SLC7A8: variants seen among roughly 807,000 people sequenced by gnomAD.
SLC7A8 encodes the protein solute carrier family 7 member 8.
A neutral mutation model predicts 51.2 loss-of-function variants in SLC7A8; 30 were observed. That is an observed-to-expected ratio of 0.59 (90% CI 0.44 to 0.80). The LOEUF (loss-of-function observed/expected upper bound fraction) is 0.80. SLC7A8 is among the 30% of genes least tolerant of loss of function. SLC7A8 has a pLI of 0.00. For synonymous variants in SLC7A8, 257 were observed against 275.8 expected, an observed-to-expected ratio of 0.93 and a Z score of 0.67; for missense variants, 612 against 674.4, an observed-to-expected ratio of 0.91 and a Z score of 1.03.
chr14:23,155,334 T>A, intron 3 of SLC7A8: 1 of 1,535,290 alleles, frequency 6.5e-7, no homozygotes, highest in Non-Finnish European at 8.7e-7. Flanking sequence ...CACTTCCAGC[T>A]AAGCTCCTGC....
Position 23,127,104 on chromosome 14 carries a change from T to C in SLC7A8, c.*73A>G, listed in dbSNP as rs775614060. 436 of 1,568,250 alleles carry C rather than the reference T, an allele frequency of 2.8e-4. 1 individual carries two copies. Among genetic ancestry groups the C allele is most frequent in the Non-Finnish European group, 3.7e-4 (421 of 1,144,162 alleles). On this transcript the variant is annotated 3_prime_UTR_variant, in exon 11 of 11. Coordinates refer to ENST00000316902, the MANE Select transcript of SLC7A8 (RefSeq NM_012244.4). The stretch of plus-strand genomic sequence containing the variant: ...AGAGGGGTGTGTGTGTACTCGCATG[T>C]GTTGGCAGGACCAAGGCAGGGAGGT...
chr14:23,128,117 A>G lies in SLC7A8; in HGVS notation c.1343T>C (p.Val448Ala), dbSNP rs777299944. The G allele has an allele frequency of 2.5e-6, 4 of 1,614,064 alleles. No homozygotes were observed. The South Asian group carries it at 4.4e-5, about 18-fold the overall frequency. Residue 448 changes from valine to alanine, a missense_variant, in exon 10 of 11, where the codon GTG becomes GCG. By Grantham distance (64) the Val-to-Ala change is moderately conservative (BLOSUM62 0). Coordinates refer to ENST00000316902, the MANE Select transcript of SLC7A8 (RefSeq NM_012244.4). This position sits in a 1 kb window ranked among gnomAD's most constrained non-coding sequence, Gnocchi z 4.3. ...LVFSLWSEPV[V>A]CGIGLAIMLT... ...CATGATGGCCAGGCCAATGCCACAC[A>G]CCACCGGCTCTGACCACAGGCTGAA... is the stretch of plus-strand genomic sequence containing the variant.
At chr14:23,144,971 C>T (rs1398680091) in intron 3 of SLC7A8, among the ~76,000 whole-genome samples, 3 of 146,758 alleles carry the variant, frequency 2.0e-5, no homozygotes, top group South Asian at 2.2e-4. Flanking sequence ...CTCACTCTGT[C>T]GCTCAGGCTG....
chr14:23,182,409 T>C (rs1334781261), intron 1 of SLC7A8, among the ~76,000 whole-genome samples: 3 of 152,216 alleles, frequency 2.0e-5, no homozygotes, highest in Admixed American at 6.5e-5. Context: ...TACAAACTTG[T>C]TCAGGTCCCT....
chr14:23,142,768 C>T (rs1381180249), intron 4 of SLC7A8, among the ~76,000 whole-genome samples: 3 of 152,122 alleles, frequency 2.0e-5, no homozygotes, highest in African/African-American at 7.2e-5. Context: ...TTCCTAAGTG[C>T]TGGGATTACA....
Position 23,183,382 on chromosome 14 carries a change from CA to C in SLC7A8, c.-469del, listed in dbSNP as rs1304897007. ...TTAGTTTTTTCTTTTATGATGAAGA[CA>C]AAAGTAGTTTTCATTAACGGTAGGA... is the stretch of plus-strand genomic sequence containing the variant. On this transcript the variant is annotated 5_prime_UTR_variant, in exon 1 of 11. The change creates a premature stop within an existing upstream ORF in the 5' untranslated region. Coordinates refer to ENST00000316902, the MANE Select transcript of SLC7A8 (RefSeq NM_012244.4). 1.3e-5 allele frequency: 2 copies of C among 153,084 alleles called. No individual in the cohort carries two copies. Among genetic ancestry groups the C allele is most frequent in the African/African-American group, 4.8e-5 (2 of 41,448 alleles). 9.5% of individuals were successfully genotyped at this position (153,084 alleles called of 1,614,324 possible).
At chr14:23,152,210 A>G (rs922810383) in intron 3 of SLC7A8, among the ~76,000 whole-genome samples, 1 of 151,656 alleles carries the variant, frequency 6.6e-6, no homozygotes, top group African/African-American at 2.4e-5. Flanking sequence ...GCAAACTACA[A>G]TCTCTGCCTC....
rs141169165 is a variant in SLC7A8, at chr14:23,129,788, G to A, written c.1125C>T (p.Thr375=). 217 of 1,614,098 alleles carry A rather than the reference G, an allele frequency of 1.3e-4. 2 individuals carry two copies. The African/African-American group carries it at 2.5e-3, about 18-fold the overall frequency. The change falls in exon 9 of 11, where the codon ACC becomes ACT. Residue 375 remains threonine, a synonymous_variant. Coordinates refer to ENST00000316902, the MANE Select transcript of SLC7A8 (RefSeq NM_012244.4). ...IPALLFTCIS[T]LLMLVTSDMY... ...TGTCGCTGGTGACCAGCATCAGCAG[G>A]GTGGAGATGCACTGGGAAAGTGGGA...
At chr14:23,159,899 T>C (rs757049345) in intron 3 of SLC7A8, among the ~76,000 whole-genome samples, 2 of 152,238 alleles carry the variant, frequency 1.3e-5, no homozygotes, top group Admixed American at 6.5e-5. Flanking sequence ...AGAAGCATTT[T>C]TTCCTTGAGA....
chr14:23,147,228 T>A (rs2048804804), intron 3 of SLC7A8, among the ~76,000 whole-genome samples: 1 of 152,014 alleles, frequency 6.6e-6, no homozygotes, highest in Admixed American at 6.6e-5. Context: ...TATCCATCCA[T>A]CCATCTGTCT....
intron 1 of SLC7A8, among the ~76,000 whole-genome samples, chr14:23,179,614 C>T (rs1309956016): frequency 6.6e-6 from 1 of 151,674 alleles, no homozygotes; most frequent in East Asian, 1.9e-4. Flanking sequence ...TGGAGACCAG[C>T]CTGGGCGATA....
chr14:23,128,123 G>T lies in SLC7A8; in HGVS notation c.1337C>A (p.Pro446Gln), dbSNP rs907109413. ...GGCCAGGCCAATGCCACACACCACC[G>T]GCTCTGACCACAGGCTGAAGACCAG... ...FLLVFSLWSE[P>Q]VVCGIGLAIM... is the part of the protein sequence containing the mutation. Residue 446 changes from proline (P) to glutamine (Q), a missense_variant, in exon 10 of 11, where the codon CCG becomes CAG. By Grantham distance (76) the Pro-to-Gln change is moderately conservative. Transcript: ENST00000316902. The surrounding 1 kb of genome is among the most constrained non-coding windows in gnomAD (Gnocchi z 4.3). 6.2e-7 allele frequency: 1 copy of T among 1,614,172 alleles called. No homozygotes were observed. The highest frequency in any genetic ancestry group is 1.3e-5 in the African/African-American group (1 of 75,038).
chr14:23,125,619 A>AC lies in SLC7A8; in HGVS notation c.*1557dup, dbSNP rs2048568835. ...GCCGGGCATCTACTCTGAAGGGGTC[A>AC]CAACTCAGACCAAACTTGGCATCTC... is the stretch of plus-strand genomic sequence containing the variant. On this transcript the variant is annotated 3_prime_UTR_variant, in exon 11 of 11. Coordinates refer to ENST00000316902, the MANE Select transcript of SLC7A8 (RefSeq NM_012244.4). 6.5e-6 allele frequency: 1 copy of AC among 152,702 alleles called. No individual in the cohort carries two copies. The highest frequency in any genetic ancestry group is 2.4e-5 in the African/African-American group (1 of 41,464). The allele number at this position is 152,702 out of a possible 1,614,324, so 9.5% of individuals were successfully genotyped here.
intron 3 of SLC7A8, chr14:23,155,524 C>T (rs2048886496): frequency 1.5e-6 from 2 of 1,341,654 alleles, no homozygotes; most frequent in Non-Finnish European, 1.9e-6. Flanking sequence ...CTGAGTAGTT[C>T]TCTCTTCAGC....
chr14:23,134,550 T>TA (rs1402175314), intron 7 of SLC7A8, among the ~76,000 whole-genome samples: 5 of 151,628 alleles, frequency 3.3e-5, no homozygotes, highest in African/African-American at 1.2e-4. Flanking sequence ...CTTAAAAAAT[T>TA]AAACTTTTTA....
Position 23,128,286 on chromosome 14 carries a change from A to G in SLC7A8, c.1264-90T>C. On this transcript the variant is annotated intron_variant, in intron 9 of 10. Transcript: ENST00000316902. The surrounding 1 kb of genome is among the most constrained non-coding windows in gnomAD (Gnocchi z 4.3). The stretch of plus-strand genomic sequence containing the variant: ...GGGGCATTCTCTCTCTTCTTCACCC[A>G]CAGAGACACATCCTCAAGGGCAAAG... The G allele has an allele frequency of 6.4e-7, 1 of 1,568,534 alleles. No homozygotes were observed. The highest frequency in any genetic ancestry group is 8.6e-7 in the Non-Finnish European group (1 of 1,157,876).
rs762546337 is a variant in SLC7A8, at chr14:23,138,061, T to TTA, written c.913-38_913-37insTA. 3.0e-5 allele frequency: 49 copies of TTA among 1,611,980 alleles called. No homozygotes were observed. In the East Asian group the frequency reaches 1.1e-3, roughly 35 times the overall value. On this transcript the variant is annotated intron_variant, in intron 6 of 10. Coordinates refer to ENST00000316902, the MANE Select transcript of SLC7A8 (RefSeq NM_012244.4). ...ACCAAGGAGATAAGCAAAGGAGAGG[T>TTA]CACCACTCCCCGACCCCTCAGCTCC...
At chr14:23,157,711 C>T (rs899227451) in intron 3 of SLC7A8, among the ~76,000 whole-genome samples, 2 of 152,194 alleles carry the variant, frequency 1.3e-5, no homozygotes, top group East Asian at 1.9e-4. Context: ...ACCCTCCCTC[C>T]GTGCTGAATA....
Position 23,128,261 on chromosome 14 carries a change from G to A in SLC7A8, c.1264-65C>T. 1 of 1,596,266 alleles carries A rather than the reference G, an allele frequency of 6.3e-7. No homozygotes were observed. The highest frequency in any genetic ancestry group is 8.5e-7 in the Non-Finnish European group (1 of 1,171,534). On this transcript the variant is annotated intron_variant, in intron 9 of 10. Transcript: ENST00000316902. This position sits in a 1 kb window ranked among gnomAD's most constrained non-coding sequence, Gnocchi z 4.3. ...CACGTGGCCCCCAGGACTAGGGACT[G>A]GGGCATTCTCTCTCTTCTTCACCCA...
Sources: allele counts gnomAD v4.1 joint callset (sites outside exome capture counted in the v4.1 genomes callset), GRCh38; gene constraint gnomAD v4.1.1; non-coding constraint Gnocchi (gnomAD v3.1); transcripts MANE v1.5; gene names NCBI Gene and HGNC (gene_info 2026-07-23, HGNC 2026-07-21).